ARHGAP24: variants seen among roughly 807,000 people sequenced by gnomAD.
The protein encoded by ARHGAP24 is rho GTPase-activating protein 24.
A neutral mutation model predicts 76.4 loss-of-function variants in ARHGAP24; 50 were observed. The ratio of observed to expected loss-of-function variants is 0.65; its 90% CI spans 0.52 to 0.83. The LOEUF (loss-of-function observed/expected upper bound fraction) is 0.83. ARHGAP24 is among the 40% of genes least tolerant of loss of function. The pLI is 0.00. For missense variants in ARHGAP24, 930 were observed against 914.2 expected, an observed-to-expected ratio of 1.02 and a Z score of -0.22; for synonymous variants, 345 against 323.3, an observed-to-expected ratio of 1.07 and a Z score of -0.72.
At chr4:85,792,856 A>G (rs558172083) in intron 3 of ARHGAP24, among the ~76,000 whole-genome samples, 3 of 152,302 alleles carry the variant, frequency 2.0e-5, no homozygotes, top group Admixed American at 6.5e-5. Context: ...GCACCCATCA[A>G]CTAATACTTG....
At chr4:85,809,835 G>C (rs1728937681) in intron 3 of ARHGAP24, among the ~76,000 whole-genome samples, 1 of 152,178 alleles carries the variant, frequency 6.6e-6, no homozygotes, top group South Asian at 2.1e-4. Flanking sequence ...TTCTCCTTCT[G>C]TCATTTCCCT....
At chr4:85,532,202 A>T (rs1176755121) in intron 1 of ARHGAP24, among the ~76,000 whole-genome samples, 1 of 152,054 alleles carries the variant, frequency 6.6e-6, no homozygotes, top group African/African-American at 2.4e-5. Context: ...AGGACATTTC[A>T]TTTGTTCCTG....
chr4:85,807,017 A>G (rs1342789453), intron 3 of ARHGAP24, among the ~76,000 whole-genome samples: 1 of 152,204 alleles, frequency 6.6e-6, no homozygotes, highest in Non-Finnish European at 1.5e-5. Context: ...TGCCACAAAG[A>G]TATTTTCAGC....
chr4:85,865,503 TA>T (rs1220260934), intron 3 of ARHGAP24, among the ~76,000 whole-genome samples: 11 of 147,314 alleles, frequency 7.5e-5, no homozygotes, highest in South Asian at 4.2e-4. Context: ...ATAATTTAAA[TA>T]AAAAACAATA....
chr4:85,855,772 GA>G (rs11406317), intron 3 of ARHGAP24, among the ~76,000 whole-genome samples: 11,818 of 140,780 alleles, frequency 0.084, 686 homozygotes, highest in African/African-American at 0.16. Flanking sequence ...AAGCAAAAAA[GA>G]AAAAAAAAAA....
At chr4:85,675,117 A>T (rs901301430) in intron 2 of ARHGAP24, among the ~76,000 whole-genome samples, 7 of 152,228 alleles carry the variant, frequency 4.6e-5, no homozygotes, top group Non-Finnish European at 1.0e-4. Flanking sequence ...AAAGACTGGT[A>T]AGCATTGTCC....
At chr4:85,624,633 A>G (rs74956943) in intron 2 of ARHGAP24, among the ~76,000 whole-genome samples, 50,049 of 151,958 alleles carry the variant, frequency 0.33, 9,284 homozygotes, top group East Asian at 0.84. Context: ...CTCTTTTTCT[A>G]TTGATTGGAA....
Position 85,707,152 on chromosome 4 carries a change from A to G in ARHGAP24, c.181-14733A>G, listed in dbSNP as rs181200439. On this transcript the variant is annotated intron_variant, in intron 2 of 9. Coordinates refer to ENST00000395184, the MANE Select transcript of ARHGAP24 (RefSeq NM_001025616.3). Reference sequence around the variant, plus strand: ...TGCTGTTACCTCCTGGTGCCAAAAAATCCTCTCACCTTGTCCTCCCAAACT... The same window carrying G: ...TGCTGTTACCTCCTGGTGCCAAAAAGTCCTCTCACCTTGTCCTCCCAAACT... Among the ~76,000 whole-genome samples, 123 of 152,226 alleles carry G rather than the reference A, an allele frequency of 8.1e-4. 2 individuals are homozygous for G. The highest frequency in any genetic ancestry group is 5.6e-3 in the Admixed American group (85 of 15,288).
intron 3 of ARHGAP24, among the ~76,000 whole-genome samples, chr4:85,835,438 T>C (rs1394463033): frequency 2.0e-5 from 3 of 150,442 alleles, no homozygotes; most frequent in Non-Finnish European, 4.4e-5. Flanking sequence ...CGGGCGTCTG[T>C]AGTCCCAGCT....
intron 1 of ARHGAP24, among the ~76,000 whole-genome samples, chr4:85,513,922 C>CG (rs1054143003): frequency 2.0e-5 from 3 of 152,070 alleles, no homozygotes. Flanking sequence ...CTCTACTTGA[C>CG]GACTGTCATG....
chr4:85,634,538 T>C (rs1721252342), intron 2 of ARHGAP24, among the ~76,000 whole-genome samples: 1 of 151,858 alleles, frequency 6.6e-6, no homozygotes, highest in Non-Finnish European at 1.5e-5. Flanking sequence ...TGCATTCCTC[T>C]TTGCTTCATC....
At chr4:85,485,050 A>T (rs1722965857) in intron 1 of ARHGAP24, among the ~76,000 whole-genome samples, 1 of 151,910 alleles carries the variant, frequency 6.6e-6, no homozygotes. Flanking sequence ...TCCTTAAAAA[A>T]ATATTGACCT....
At chr4:85,919,359 G>C (rs913816814) in intron 3 of ARHGAP24, among the ~76,000 whole-genome samples, 1 of 152,142 alleles carries the variant, frequency 6.6e-6, no homozygotes, top group Non-Finnish European at 1.5e-5. Flanking sequence ...TTATGCATTA[G>C]AACAGATGGC....
chr4:85,831,314 T>C (rs952763554), intron 3 of ARHGAP24, among the ~76,000 whole-genome samples: 1 of 152,172 alleles, frequency 6.6e-6, no homozygotes, highest in African/African-American at 2.4e-5. Context: ...GTATTTCTAA[T>C]GGGCAAGGAA....
chr4:85,887,848 T>C (rs1733650936), intron 3 of ARHGAP24, among the ~76,000 whole-genome samples: 1 of 152,196 alleles, frequency 6.6e-6, no homozygotes, highest in Non-Finnish European at 1.5e-5. Flanking sequence ...GTTTTTGTAA[T>C]TGTTTACCTT....
At chr4:85,619,813 T>C (rs1390729904) in intron 2 of ARHGAP24, among the ~76,000 whole-genome samples, 1 of 152,020 alleles carries the variant, frequency 6.6e-6, no homozygotes, top group Non-Finnish European at 1.5e-5. Flanking sequence ...ATCCTGCAAC[T>C]TACGAAATTC....
At chr4:85,964,124 T>C (rs867048130) in intron 5 of ARHGAP24, among the ~76,000 whole-genome samples, 98 of 152,252 alleles carry the variant, frequency 6.4e-4, no homozygotes, top group Admixed American at 7.9e-4. Context: ...AGAATATATA[T>C]GAACCAGGCA....
At position 85,972,058 on chromosome 4, in the gene ARHGAP24, GC is replaced by G; in HGVS notation, c.623del (p.Ala208AspfsTer42). 1 of 1,613,850 alleles carries G rather than the reference GC, an allele frequency of 6.2e-7. No individual in the cohort carries two copies. ...FDSNTDVHTV[A>X]SLLKLYLREL... ...CAGCAACACAGATGTACACACGGTG[GC>G]ATCACTTCTTAAGCTGTACCTCCGA... On this transcript the variant is annotated frameshift_variant, in exon 6 of 10. Transcript: ENST00000395184. LOFTEE classifies it high-confidence loss of function.
At chr4:85,827,278 T>C (rs1321361370) in intron 3 of ARHGAP24, among the ~76,000 whole-genome samples, 2 of 152,096 alleles carry the variant, frequency 1.3e-5, no homozygotes, top group African/African-American at 4.8e-5. Flanking sequence ...ATGCAAGACT[T>C]TATTATATGA....
Sources: gnomAD v4.1 joint callset for allele counts (sites outside exome capture counted in the v4.1 genomes callset) on GRCh38, gnomAD v4.1.1 for gene constraint, MANE v1.5 for transcripts, NCBI Gene and HGNC (gene_info 2026-07-23, HGNC 2026-07-21) for gene names.